The following L3MBTL4 variants were observed in gnomAD, a reference collection of about 807,000 sequenced individuals.
L3MBTL4 encodes lethal(3)malignant brain tumor-like protein 4.
L3MBTL4 carries 70 observed loss-of-function variants against 84.5 expected under a neutral mutation model. The ratio of observed to expected loss-of-function variants is 0.83; its 90% CI spans 0.68 to 1.01. L3MBTL4 has a LOEUF of 1.01. Ranked by LOEUF, L3MBTL4 falls within the 50% of genes least tolerant of loss-of-function variation. L3MBTL4 has a pLI of 0.00. For missense variants in L3MBTL4, 715 were observed against 754.8 expected (o/e 0.95, Z 0.62); for synonymous variants, 274 against 259.8 (o/e 1.05, Z -0.52).
chr18:6,111,930 T>C (rs925598775), intron 14 of L3MBTL4, among the ~76,000 whole-genome samples: 3 of 152,138 alleles, frequency 2.0e-5, no homozygotes, highest in East Asian at 1.9e-4. Context: ...GTGCAATATA[T>C]CTCCTTGACT....
intron 14 of L3MBTL4, among the ~76,000 whole-genome samples, chr18:6,114,210 T>C (rs944187739): frequency 1.3e-5 from 2 of 152,198 alleles, no homozygotes; most frequent in African/African-American, 2.4e-5. Flanking sequence ...CTGAAGGAAC[T>C]TGAAGGAGAT....
At chr18:6,142,438 A>G (rs1438605943) in intron 13 of L3MBTL4, among the ~76,000 whole-genome samples, 1 of 152,256 alleles carries the variant, frequency 6.6e-6, no homozygotes, top group Non-Finnish European at 1.5e-5. Flanking sequence ...ACAAATATTT[A>G]AGCCTCAAAT....
At chr18:6,040,854 T>C (rs1274613256) in intron 16 of L3MBTL4, among the ~76,000 whole-genome samples, 1 of 152,194 alleles carries the variant, frequency 6.6e-6, no homozygotes, top group Non-Finnish European at 1.5e-5. Flanking sequence ...CTCTCAGTTG[T>C]AGGGTCACAG....
At chr18:6,277,571 A>G (rs2049142256) in intron 4 of L3MBTL4, among the ~76,000 whole-genome samples, 2 of 152,260 alleles carry the variant, frequency 1.3e-5, no homozygotes, top group South Asian at 4.1e-4. Flanking sequence ...ACCAGTTGAG[A>G]TTCTGTTTTA....
At chr18:5,983,035 C>T (rs1479577163) in intron 16 of L3MBTL4, among the ~76,000 whole-genome samples, 3 of 152,148 alleles carry the variant, frequency 2.0e-5, no homozygotes, top group Non-Finnish European at 4.4e-5. Context: ...GTCTTTTACT[C>T]CTACCATGGA....
intron 13 of L3MBTL4, among the ~76,000 whole-genome samples, chr18:6,142,769 A>G (rs2060235991): frequency 6.6e-6 from 1 of 152,084 alleles, no homozygotes; most frequent in Admixed American, 6.5e-5. Context: ...AATAATCTTA[A>G]AAGTTATTTG....
intron 15 of L3MBTL4, among the ~76,000 whole-genome samples, chr18:6,084,324 AG>A (rs1255002018): frequency 6.6e-6 from 1 of 152,178 alleles, no homozygotes. Context: ...TGAACTGAGT[AG>A]TTGTAGCAGA....
chr18:6,311,606 T>C lies in L3MBTL4; in HGVS notation c.20A>G (p.Lys7Arg), dbSNP rs1459033358. The C allele has an allele frequency of 1.2e-6, 2 of 1,613,768 alleles. No individual in the cohort carries two copies. The highest frequency in any genetic ancestry group is 1.7e-6 in the Non-Finnish European group (2 of 1,179,848). MKQPNR[K>R]RKLNMDSKER... is the part of the protein sequence containing the mutation. ...TTTGGAATCCATATTAAGCTTCCTT[T>C]TCCTGTTGGGCTGTTTCATTGCCAC... Residue 7 changes from lysine (K) to arginine (R), a missense_variant, in exon 3 of 19, where the codon AAA becomes AGA. Physicochemically the swap from Lys to Arg is conservative, Grantham distance 26. Transcript: ENST00000317931.
intron 16 of L3MBTL4, among the ~76,000 whole-genome samples, chr18:5,998,821 T>C (rs1324594333): frequency 6.6e-6 from 1 of 152,198 alleles, no homozygotes; most frequent in East Asian, 1.9e-4. Context: ...GTCCTCACTG[T>C]CAGCAGCCTG....
intron 4 of L3MBTL4, among the ~76,000 whole-genome samples, chr18:6,288,773 G>A (rs1315281976): frequency 6.6e-6 from 1 of 151,590 alleles, no homozygotes; most frequent in Admixed American, 6.6e-5. Context: ...AAGTAATCCA[G>A]GTATAGTAAT....
chr18:6,065,133 C>G (rs950713498), intron 16 of L3MBTL4, among the ~76,000 whole-genome samples: 1 of 151,782 alleles, frequency 6.6e-6, no homozygotes, highest in Non-Finnish European at 1.5e-5. Flanking sequence ...TTAATTCTAT[C>G]TATATGATGT....
chr18:6,211,351 G>A (rs2046095966), intron 12 of L3MBTL4, among the ~76,000 whole-genome samples: 1 of 152,156 alleles, frequency 6.6e-6, no homozygotes, highest in Non-Finnish European at 1.5e-5. Context: ...CATACAGTAA[G>A]CATCTATTAT....
At chr18:6,041,055 A>G (rs1940623) in intron 16 of L3MBTL4, among the ~76,000 whole-genome samples, 29,209 of 152,232 alleles carry the variant, frequency 0.19, 3,140 homozygotes, top group Middle Eastern at 0.35. Context: ...CAGATTCCCA[A>G]TCAGGAGTCA....
intron 16 of L3MBTL4, among the ~76,000 whole-genome samples, chr18:5,983,460 T>C (rs1288581407): frequency 6.6e-6 from 1 of 151,968 alleles, no homozygotes; most frequent in Non-Finnish European, 1.5e-5. Context: ...TTATCAACTA[T>C]AAAAGGCAAG....
chr18:6,092,809 G>A (rs1194481445), intron 15 of L3MBTL4, among the ~76,000 whole-genome samples: 6 of 152,216 alleles, frequency 3.9e-5, no homozygotes, highest in Admixed American at 2.0e-4. Flanking sequence ...AAACAAAAAT[G>A]AGAACTGGTA....
intron 16 of L3MBTL4, chr18:6,031,675 C>A: frequency 1.0e-6 from 1 of 983,778 alleles, no homozygotes; most frequent in Non-Finnish European, 1.2e-6. Context: ...TCTCATCCTC[C>A]AGCAGGTCAG....
intron 1 of L3MBTL4, among the ~76,000 whole-genome samples, chr18:6,343,417 A>C (rs984813801): frequency 1.3e-5 from 2 of 152,128 alleles, no homozygotes; most frequent in Non-Finnish European, 2.9e-5. Flanking sequence ...TAATCCCAGC[A>C]CTCTGGGAGG....
intron 1 of L3MBTL4, among the ~76,000 whole-genome samples, chr18:6,363,738 A>G (rs1259591871): frequency 6.6e-6 from 1 of 152,208 alleles, no homozygotes; most frequent in Non-Finnish European, 1.5e-5. Flanking sequence ...TAAGCCACTC[A>G]GTGAAGGAGC....
At chr18:6,197,857 T>C (rs2045476102) in intron 12 of L3MBTL4, among the ~76,000 whole-genome samples, 1 of 152,218 alleles carries the variant, frequency 6.6e-6, no homozygotes, top group Admixed American at 6.5e-5. Flanking sequence ...TCGCAAGTAT[T>C]TGAAGGAAGT....
Sources: gnomAD v4.1 joint callset for allele counts (sites outside exome capture counted in the v4.1 genomes callset) on GRCh38, gnomAD v4.1.1 for gene constraint, MANE v1.5 for transcripts, NCBI Gene and HGNC (gene_info 2026-07-23, HGNC 2026-07-21) for gene names.